The following KBTBD4 variants were observed in gnomAD, a reference collection of about 807,000 sequenced individuals.
The protein encoded by KBTBD4 is kelch repeat and BTB domain-containing protein 4.
In KBTBD4, 30 loss-of-function variants were observed where a neutral mutation model predicts 43.9. The ratio of observed to expected loss-of-function variants is 0.68; its 90% CI spans 0.51 to 0.93. The LOEUF (loss-of-function observed/expected upper bound fraction) is 0.93, where lower values mean the gene tolerates loss of function less well. Ranked by LOEUF, KBTBD4 falls within the 40% of genes least tolerant of loss-of-function variation. KBTBD4 has a pLI of 0.00. For missense variants in KBTBD4, 575 were observed against 668.8 expected (o/e 0.86, Z 1.55); for synonymous variants, 258 against 256.9 (o/e 1.00, Z -0.04).
chr11:47,573,095 TG>T lies in KBTBD4; in HGVS notation c.1439del (p.Pro480HisfsTer37). ...LCLPEAWSSA[P>X]SLWKIASCNG... ...TACAGCTGGCAATCTTCCAGAGGGATGGGGCAGAGCTCCAGGCCTCAGGAAG... is the reference window on the plus strand; with the variant it reads ...TACAGCTGGCAATCTTCCAGAGGGATGGGCAGAGCTCCAGGCCTCAGGAAG... On this transcript the variant is annotated frameshift_variant, in exon 4 of 4. Transcript: ENST00000430070. LOFTEE classifies it high-confidence loss of function. This position sits in a 1 kb window ranked among gnomAD's most constrained non-coding sequence, Gnocchi z 4.1. 2 of 1,614,098 alleles carry T rather than the reference TG, an allele frequency of 1.2e-6. No homozygotes were observed. The highest frequency in any genetic ancestry group is 1.7e-6 in the Non-Finnish European group (2 of 1,180,006).
rs1030303235 is a variant in KBTBD4, at chr11:47,573,997, T to G, written c.745-207A>C. Among the ~76,000 whole-genome samples, 1 of 152,152 alleles carries G rather than the reference T, an allele frequency of 6.6e-6. No homozygotes were observed. The highest frequency in any genetic ancestry group is 2.4e-5 in the African/African-American group (1 of 41,434). On this transcript the variant is annotated intron_variant, in intron 3 of 3. Transcript: ENST00000430070. This position sits in a 1 kb window ranked among gnomAD's most constrained non-coding sequence, Gnocchi z 4.1. ...GGAGAATCTGTTGTATTCATCCTTGTAGCTTTTAAAAAACTCTCATAAGCT... is the reference window on the plus strand; with the variant it reads ...GGAGAATCTGTTGTATTCATCCTTGGAGCTTTTAAAAAACTCTCATAAGCT...
At chr11:47,578,656 C>A (rs2097265061) in intron 1 of KBTBD4, 1 of 868,298 alleles carries the variant, frequency 1.2e-6, no homozygotes, top group Non-Finnish European at 1.8e-6. Context: ...CTGGGAGGCC[C>A]ATCACCCTGT....
chr11:47,578,097 A>C (rs754097021), intron 1 of KBTBD4, 69 bp from the exon 2 acceptor site: 1 of 1,565,758 alleles, frequency 6.4e-7, no homozygotes, highest in South Asian at 1.1e-5. Flanking sequence ...CAACTGTCCA[A>C]CTCAGGGAGG....
intron 1 of KBTBD4, chr11:47,578,622 T>G (rs2097264981): frequency 1.3e-6 from 1 of 744,850 alleles, no homozygotes; most frequent in African/African-American, 1.7e-5. Flanking sequence ...AGAACTTGAG[T>G]CCATCCGCCC....
Position 47,577,987 on chromosome 11 carries a change from C to T in KBTBD4, c.61G>A (p.Glu21Lys), listed in dbSNP as rs1421219213. Reference protein sequence around the residue: ...REKLASMESPEEPGASMDENY... With the variant: ...REKLASMESPKEPGASMDENY... Reference sequence around the variant, plus strand: ...TCATCCATGGATGCTCCAGGCTCCTCTGGTGATTCCATGCTAGCCAACTTC... The same window carrying T: ...TCATCCATGGATGCTCCAGGCTCCTTTGGTGATTCCATGCTAGCCAACTTC... Residue 21 changes from glutamate (E) to lysine (K), a missense_variant, in exon 2 of 4, where the codon GAG (glutamate) becomes AAG (lysine). Transcript: ENST00000430070. The T allele has an allele frequency of 6.2e-7, 1 of 1,614,216 alleles. No homozygotes were observed. Among genetic ancestry groups the T allele is most frequent in the Non-Finnish European group, 8.5e-7 (1 of 1,180,032 alleles).
In KBTBD4 at chr11:47,573,063, C is replaced by A. The variant is rs937649487; in HGVS notation, c.1472G>T (p.Ser491Ile). Residue 491 changes from serine (S) to isoleucine (I), a missense_variant, in exon 4 of 4, where the codon AGC becomes ATC. Coordinates refer to ENST00000430070, the MANE Select transcript of KBTBD4 (RefSeq NM_018095.6). The surrounding 1 kb of genome is among the most constrained non-coding windows in gnomAD (Gnocchi z 4.1). The stretch of plus-strand genomic sequence containing the variant: ...ATATCGGTCCCGGAAGACATAGATG[C>A]TCCCGTTACAGCTGGCAATCTTCCA... Reference protein sequence around the residue: ...SLWKIASCNGSIYVFRDRYKK... With the variant: ...SLWKIASCNGIIYVFRDRYKK... 6.2e-7 allele frequency: 1 copy of A among 1,614,170 alleles called. No individual in the cohort carries two copies. The highest frequency in any genetic ancestry group is 1.3e-5 in the African/African-American group (1 of 75,028).
rs1217640786 is a variant in KBTBD4 at position 47,577,762 on chromosome 11, C to T, written c.286G>A (p.Glu96Lys). Reference sequence around the variant, plus strand: ...AGCACAATCACCCGGTTGTGGGCCTCCTTCAGGTTGGAAGTGAACATGGAT... The same window carrying T: ...AGCACAATCACCCGGTTGTGGGCCTTCTTCAGGTTGGAAGTGAACATGGAT... Reference protein sequence around the residue: ...FRSMFTSNLKEAHNRVIVLQD... With the variant: ...FRSMFTSNLKKAHNRVIVLQD... Residue 96 changes from glutamate to lysine, a missense_variant, in exon 2 of 4, where the codon GAG becomes AAG. Physicochemically the swap from Glu to Lys is moderately conservative, Grantham distance 56. Coordinates refer to ENST00000430070, the MANE Select transcript of KBTBD4 (RefSeq NM_018095.6). 1.9e-6 allele frequency: 3 copies of T among 1,613,996 alleles called. No homozygotes were observed. Among genetic ancestry groups the T allele is most frequent in the Non-Finnish European group, 2.5e-6 (3 of 1,180,034 alleles).
At position 47,572,989 on chromosome 11, in the gene KBTBD4, C is replaced by T. The variant is rs3207211; in HGVS notation, c.1546G>A (p.Val516Ile). The T allele has an allele frequency of 8.9e-4, 1,443 of 1,614,170 alleles. 2 individuals are homozygous for T. Among genetic ancestry groups the T allele is most frequent in the Non-Finnish European group, 1.1e-3 (1,313 of 1,180,032 alleles). ...TYKLDPATSA[V>I]TVTRGIKVLL... ...ACCTTAATACCTCTTGTGACAGTTA[C>T]GGCTGAAGTGGCAGGGTCAAGCTTG... Residue 516 changes from valine (V) to isoleucine (I), a missense_variant, in exon 4 of 4, where the codon GTA becomes ATA. Transcript: ENST00000430070.
chr11:47,578,538 T>TA, intron 1 of KBTBD4: 1 of 679,208 alleles, frequency 1.5e-6, no homozygotes. Flanking sequence ...CCGTGGGTCT[T>TA]ACATTTGCTC....
chr11:47,575,562 G>C, intron 3 of KBTBD4, 31 bp downstream of exon 3: 1 of 1,325,788 alleles, frequency 7.5e-7, no homozygotes, highest in South Asian at 1.2e-5. Context: ...TGGAGAGTAT[G>C]CAGTCTCAAC....
At position 47,577,586 on chromosome 11, in the gene KBTBD4, C is replaced by T; in HGVS notation, c.462G>A (p.Leu154=). Reference sequence around the variant, plus strand: ...AGTTTCCCACTTGCACTGTGCGGGCCAAAAACCGAGAGCATTCCTCAAAGA... The same window carrying T: ...AGTTTCCCACTTGCACTGTGCGGGCTAAAAACCGAGAGCATTCCTCAAAGA... ...TSLFEECSRF[L]ARTVQVGNCL... is the part of the protein sequence containing the mutation. The change falls in exon 2 of 4, where the codon TTG becomes TTA. Residue 154 remains leucine, a synonymous_variant. Coordinates refer to ENST00000430070, the MANE Select transcript of KBTBD4 (RefSeq NM_018095.6). 1.9e-6 allele frequency: 3 copies of T among 1,614,160 alleles called. No individual in the cohort carries two copies. In the South Asian group the frequency reaches 3.3e-5, roughly 18 times the overall value.
chr11:47,573,294 C>T lies in KBTBD4; in HGVS notation c.1241G>A (p.Arg414Gln), dbSNP rs757481355. The change falls in exon 4 of 4, where the codon CGA becomes CAA. Residue 414 changes from arginine to glutamine, a missense_variant. Arg to Gln is a conservative substitution (Grantham distance 43). Coordinates refer to ENST00000430070, the MANE Select transcript of KBTBD4 (RefSeq NM_018095.6). This position sits in a 1 kb window ranked among gnomAD's most constrained non-coding sequence, Gnocchi z 4.1. ...NDLDFFTKPS[R>Q]LIQCFDTETD... The stretch of plus-strand genomic sequence containing the variant: ...CTCTGTGTCAAAGCACTGGATGAGT[C>T]GGGAAGGTTTGGTAAAGAAGTCCAG... 37 of 1,614,010 alleles carry T rather than the reference C, an allele frequency of 2.3e-5. No homozygotes were observed. The Admixed American group carries it at 3.5e-4, about 15-fold the overall frequency.
intron 3 of KBTBD4, among the ~76,000 whole-genome samples, chr11:47,574,268 G>A (rs1418546821): frequency 1.3e-5 from 2 of 151,986 alleles, no homozygotes; most frequent in Non-Finnish European, 2.9e-5. Context: ...AGGCCGAGGT[G>A]GGCAGATCAC....
intron 2 of KBTBD4, among the ~76,000 whole-genome samples, chr11:47,576,987 C>G (rs2097260852): frequency 6.6e-6 from 1 of 152,074 alleles, no homozygotes; most frequent in South Asian, 2.1e-4. Context: ...AACCTCACAC[C>G]TTAAGTATGG....
chr11:47,576,157 GCTT>G (rs2097259013), intron 2 of KBTBD4, among the ~76,000 whole-genome samples: 1 of 88,238 alleles, frequency 1.1e-5, no homozygotes, highest in Non-Finnish European at 2.1e-5. Context: ...GGCGGGTCTT[GCTT>G]TTTTTTTTTT....
chr11:47,575,432 G>A (rs1360096373), intron 3 of KBTBD4, 161 bp downstream of exon 3: 9 of 521,292 alleles, frequency 1.7e-5, no homozygotes, highest in South Asian at 1.1e-4. Flanking sequence ...GTGTGAACCC[G>A]GGAGGCGGAG....
At chr11:47,577,119 T>C (rs1035798517) in intron 2 of KBTBD4, among the ~76,000 whole-genome samples, 1 of 152,214 alleles carries the variant, frequency 6.6e-6, no homozygotes, top group African/African-American at 2.4e-5. Context: ...CACTGGGACA[T>C]ACGAAGTACA....
At chr11:47,578,531 T>G in intron 1 of KBTBD4, 2 of 671,944 alleles carry the variant, frequency 3.0e-6, no homozygotes, top group Non-Finnish European at 5.3e-6. Context: ...GGGATATCCG[T>G]GGGTCTTACA....
intron 3 of KBTBD4, among the ~76,000 whole-genome samples, chr11:47,574,483 T>G (rs2097255493): frequency 6.6e-6 from 1 of 150,394 alleles, no homozygotes; most frequent in Admixed American, 6.7e-5. Context: ...GGAGACGGAG[T>G]AAGACTCTGT....
Sources: allele counts gnomAD v4.1 joint callset (sites outside exome capture counted in the v4.1 genomes callset), GRCh38; gene constraint gnomAD v4.1.1; non-coding constraint Gnocchi (gnomAD v3.1); transcripts MANE v1.5; gene names NCBI Gene and HGNC (gene_info 2026-07-23, HGNC 2026-07-21).